Variants in ADGB observed in about 807,000 individuals in gnomAD.
The protein encoded by ADGB is androglobin.
Under a neutral mutation model 210.5 loss-of-function variants are expected in ADGB, and 172 were observed. That is an observed-to-expected ratio of 0.82 (90% CI 0.72 to 0.93). The LOEUF is 0.93. Ranked by LOEUF, ADGB falls within the 40% of genes least tolerant of loss-of-function variation. The pLI is 0.00. For synonymous variants in ADGB, 658 were observed against 662.7 expected (o/e 0.99, Z 0.11); for missense variants, 2,025 against 1,964.8 (o/e 1.03, Z -0.58).
At chr6:146,787,641 G>A (rs1172110416) in intron 32 of ADGB, among the ~76,000 whole-genome samples, 1 of 147,946 alleles carries the variant, frequency 6.8e-6, no homozygotes, top group African/African-American at 2.5e-5. Flanking sequence ...ATTTCTTCAT[G>A]CTCTTAAGTA....
In ADGB at chr6:146,716,978, C is replaced by A. The variant is rs1289592022; in HGVS notation, c.1837C>A (p.Gln613Lys). 6.4e-7 allele frequency: 1 copy of A among 1,551,540 alleles called. No individual in the cohort carries two copies. The highest frequency in any genetic ancestry group is 2.4e-5 in the East Asian group (1 of 40,878). The change falls in exon 15 of 36, where the codon CAG becomes AAG. Residue 613 changes from glutamine to lysine, a missense_variant. Physicochemically the swap from Gln to Lys is moderately conservative, Grantham distance 53 (BLOSUM62 1). Coordinates refer to ENST00000397944, the MANE Select transcript of ADGB (RefSeq NM_024694.4). ...REIVSQTTATQEKSQEELPTT... is the reference protein window; with the variant it reads ...REIVSQTTATKEKSQEELPTT... Reference sequence around the variant, plus strand: ...GATAGTCAGCCAGACCACAGCAACACAGGAAAAGTCACAGGAAGAACTTCC... The same window carrying A: ...GATAGTCAGCCAGACCACAGCAACAAAGGAAAAGTCACAGGAAGAACTTCC...
intron 35 of ADGB, among the ~76,000 whole-genome samples, chr6:146,808,041 C>G (rs1207378198): frequency 7.1e-6 from 1 of 141,122 alleles, no homozygotes; most frequent in Non-Finnish European, 1.5e-5. Flanking sequence ...ACTCTGTTGC[C>G]CAGGCTGGAG....
intron 10 of ADGB, among the ~76,000 whole-genome samples, chr6:146,690,711 G>A (rs759256153): frequency 1.3e-5 from 2 of 152,132 alleles, no homozygotes; most frequent in Non-Finnish European, 2.9e-5. Flanking sequence ...ACTCAAGAAA[G>A]TAGTATTTAA....
intron 1 of ADGB, among the ~76,000 whole-genome samples, chr6:146,614,255 T>C (rs1780757916): frequency 6.9e-6 from 1 of 144,592 alleles, no homozygotes; most frequent in Non-Finnish European, 1.5e-5. Flanking sequence ...CTTCAACAGT[T>C]TTTTTGATAT....
Position 146,599,016 on chromosome 6 carries a change from A to C in ADGB, c.-25A>C. ...CCCGCAGGCTCTTTGCTCAGAGCTC[A>C]GCCCTACATAGATCGGCTTCTGCCA... On this transcript the variant is annotated 5_prime_UTR_variant, in exon 1 of 36. Transcript: ENST00000397944. 1 of 1,547,086 alleles carries C rather than the reference A, an allele frequency of 6.5e-7. No individual in the cohort carries two copies. The highest frequency in any genetic ancestry group is 8.7e-7 in the Non-Finnish European group (1 of 1,142,880).
At chr6:146,606,894 C>T (rs771732855) in intron 1 of ADGB, among the ~76,000 whole-genome samples, 14 of 152,016 alleles carry the variant, frequency 9.2e-5, no homozygotes, top group Non-Finnish European at 1.8e-4. Context: ...GCTCTTTTTC[C>T]GTTCCATATG....
At chr6:146,651,621 G>T (rs578019728) in intron 3 of ADGB, among the ~76,000 whole-genome samples, 1 of 152,096 alleles carries the variant, frequency 6.6e-6, no homozygotes, top group Non-Finnish European at 1.5e-5. Context: ...AGCTCTTGTT[G>T]ATATCATTGA....
chr6:146,656,658 A>G, intron 4 of ADGB, 113 bp from the exon 5 acceptor site: 1 of 703,762 alleles, frequency 1.4e-6, no homozygotes, highest in Admixed American at 3.2e-5. Context: ...AATACATTAC[A>G]TGTATAATTT....
At chr6:146,679,637 G>T (rs1308012104) in intron 9 of ADGB, among the ~76,000 whole-genome samples, 1 of 152,044 alleles carries the variant, frequency 6.6e-6, no homozygotes, top group Non-Finnish European at 1.5e-5. Flanking sequence ...GTGTAAAGTG[G>T]GTTCATAAAC....
chr6:146,628,951 T>C (rs1400345410), intron 1 of ADGB, among the ~76,000 whole-genome samples: 1 of 152,114 alleles, frequency 6.6e-6, no homozygotes, highest in Non-Finnish European at 1.5e-5. Flanking sequence ...AATTCAAACC[T>C]GAAATAACAG....
intron 22 of ADGB, among the ~76,000 whole-genome samples, chr6:146,734,940 A>G (rs944208178): frequency 1.3e-5 from 2 of 151,970 alleles, no homozygotes; most frequent in African/African-American, 4.8e-5. Context: ...CAAAAAATAT[A>G]TATTCAATTA....
chr6:146,759,590 T>C (rs1469966687), intron 27 of ADGB, among the ~76,000 whole-genome samples: 1 of 151,770 alleles, frequency 6.6e-6, no homozygotes, highest in East Asian at 1.9e-4. Context: ...ATCTTTAAAA[T>C]TCAAGGATGA....
intron 4 of ADGB, among the ~76,000 whole-genome samples, chr6:146,654,692 A>G (rs1409070579): frequency 1.3e-5 from 2 of 152,132 alleles, no homozygotes; most frequent in African/African-American, 4.8e-5. Context: ...TGATGGTTTG[A>G]TATACATTGT....
intron 7 of ADGB, among the ~76,000 whole-genome samples, chr6:146,668,850 A>G (rs977261353): frequency 2.6e-5 from 4 of 152,096 alleles, no homozygotes; most frequent in African/African-American, 9.7e-5. Context: ...AGAGTCAGTG[A>G]CATGTCTGAG....
chr6:146,601,746 T>C (rs1368124188), intron 1 of ADGB, among the ~76,000 whole-genome samples: 1 of 152,218 alleles, frequency 6.6e-6, no homozygotes, highest in Non-Finnish European at 1.5e-5. Flanking sequence ...CTCCTAGAGA[T>C]GCCATCTCTG....
At chr6:146,674,459 G>A (rs1776059124) in intron 8 of ADGB, among the ~76,000 whole-genome samples, 1 of 152,154 alleles carries the variant, frequency 6.6e-6, no homozygotes, top group Non-Finnish European at 1.5e-5. Flanking sequence ...GCTATAAGGG[G>A]ATTGGGCCAG....
At position 146,782,147 on chromosome 6, in the gene ADGB, A is replaced by G; in HGVS notation, c.3990A>G (p.Lys1330=). The G allele has an allele frequency of 6.5e-7, 1 of 1,543,326 alleles. No homozygotes were observed. Residue 1330 remains lysine (K), a synonymous_variant, in exon 30 of 36, where the codon AAA becomes AAG. Coordinates refer to ENST00000397944, the MANE Select transcript of ADGB (RefSeq NM_024694.4). ...AAGGCAAAGAAAAGTCTTCTGAGAAAGAAAAGACAGCCAAAGAAAAACAAG... is the reference window on the plus strand; with the variant it reads ...AAGGCAAAGAAAAGTCTTCTGAGAAGGAAAAGACAGCCAAAGAAAAACAAG... ...TRKGKEKSSE[K]EKTAKEKQAP... is the part of the protein sequence containing the mutation.
intron 18 of ADGB, chr6:146,725,012 A>G (rs1429432308): frequency 1.3e-5 from 2 of 152,252 alleles, no homozygotes; most frequent in African/African-American, 2.4e-5. Flanking sequence ...TATGTGATCA[A>G]TGAAAAGCTA....
chr6:146,607,182 A>C (rs1200642116), intron 1 of ADGB, among the ~76,000 whole-genome samples: 1 of 151,970 alleles, frequency 6.6e-6, no homozygotes, highest in Non-Finnish European at 1.5e-5. Context: ...TTGCATTTTT[A>C]ATTTGGATCT....
Sources: allele counts gnomAD v4.1 joint callset (sites outside exome capture counted in the v4.1 genomes callset), GRCh38; gene constraint gnomAD v4.1.1; transcripts MANE v1.5; gene names NCBI Gene and HGNC (gene_info 2026-07-23, HGNC 2026-07-21).